Variants in RNF128 observed in about 807,000 individuals in gnomAD.
RNF128 encodes the protein ring finger protein 128, also known as E3 ubiquitin-protein ligase RNF128.
A neutral mutation model predicts 26.2 loss-of-function variants in RNF128; 13 were observed. The observed-to-expected ratio is 0.50, with a 90% CI of 0.32 to 0.79. RNF128 has a LOEUF of 0.79. RNF128 is among the 30% of genes least tolerant of loss of function. The pLI is 0.03. For missense variants in RNF128, 315 were observed against 349.7 expected (o/e 0.90, Z 0.79); for synonymous variants, 149 against 142.5 (o/e 1.05, Z -0.32).
chrX:106,770,453 CT>C (rs943254131), intron 1 of RNF128, among the ~76,000 whole-genome samples: 1 of 111,020 alleles, frequency 9.0e-6, no homozygotes, highest in Admixed American at 9.6e-5. Context: ...TCTTTTTACT[CT>C]TTTTTTTCCT....
chrX:106,694,532 C>A, intron 1 of RNF128: 1 of 403,617 alleles, frequency 2.5e-6, no homozygotes, highest in Non-Finnish European at 4.0e-6. Context: ...AATTTTCTTG[C>A]CTGGCACAAC....
intron 4 of RNF128, among the ~76,000 whole-genome samples, chrX:106,788,762 A>G (rs1474100568): frequency 1.4e-5 from 1 of 71,565 alleles, no homozygotes; most frequent in Non-Finnish European, 2.4e-5. Context: ...ACTATATAAT[A>G]TATATACTAT....
chrX:106,740,574 A>T (rs1202847937), intron 1 of RNF128, among the ~76,000 whole-genome samples: 1 of 111,404 alleles, frequency 9.0e-6, no homozygotes, highest in Non-Finnish European at 1.9e-5. Context: ...AATAATTTTT[A>T]CTTTTTATTT....
At chrX:106,702,816 T>C (rs779350973) in intron 1 of RNF128, among the ~76,000 whole-genome samples, 1 of 111,143 alleles carries the variant, frequency 9.0e-6, no homozygotes, top group Non-Finnish European at 1.9e-5. Flanking sequence ...AGTGGAAGAG[T>C]GAATTCCAGG....
intron 3 of RNF128, 137 bp downstream of exon 3, chrX:106,785,273 G>T: frequency 2.1e-6 from 1 of 473,190 alleles, no homozygotes; most frequent in Non-Finnish European, 3.5e-6. Flanking sequence ...TGATTCTAGA[G>T]GTTGGCTGAA....
chrX:106,717,383 A>T (rs182158388), intron 1 of RNF128, among the ~76,000 whole-genome samples: 58 of 111,789 alleles, frequency 5.2e-4, no homozygotes, highest in African/African-American at 1.9e-3. Flanking sequence ...AATTAATATC[A>T]CTTCTCTTTT....
intron 1 of RNF128, among the ~76,000 whole-genome samples, chrX:106,765,586 G>A (rs1930205417): frequency 9.0e-6 from 1 of 111,378 alleles, no homozygotes; most frequent in African/African-American, 3.3e-5. Flanking sequence ...GACCCATAAG[G>A]GATATTTGGA....
At chrX:106,770,000 C>A (rs1285979889) in intron 1 of RNF128, among the ~76,000 whole-genome samples, 3 of 111,263 alleles carry the variant, frequency 2.7e-5, no homozygotes, top group Non-Finnish European at 5.6e-5. Flanking sequence ...ATTTCTCCTT[C>A]ACTTTTGAAG....
At chrX:106,729,781 A>G (rs1406783561) in intron 1 of RNF128, among the ~76,000 whole-genome samples, 2 of 111,997 alleles carry the variant, frequency 1.8e-5, no homozygotes, top group Non-Finnish European at 3.8e-5. Context: ...ATATAGGGGG[A>G]AAATCACTGC....
chrX:106,779,897 A>G (rs16986538), intron 2 of RNF128, among the ~76,000 whole-genome samples: 4,816 of 111,818 alleles, frequency 0.043, 294 homozygotes, highest in African/African-American at 0.15. Flanking sequence ...AAACAGCTAC[A>G]TGGCTCAGAC....
chrX:106,778,798 A>G (rs1286643910), intron 2 of RNF128, among the ~76,000 whole-genome samples: 1 of 112,068 alleles, frequency 8.9e-6, no homozygotes. Context: ...AGGAAGGACT[A>G]GGCTACATTA....
intron 1 of RNF128, among the ~76,000 whole-genome samples, chrX:106,713,838 C>T (rs1010357679): frequency 7.4e-4 from 82 of 111,109 alleles, no homozygotes; most frequent in African/African-American, 2.6e-3. Context: ...ACCTAGGTTT[C>T]ATCAAATTTT....
intron 1 of RNF128, among the ~76,000 whole-genome samples, chrX:106,718,554 A>C (rs1296451946): frequency 9.4e-6 from 1 of 106,029 alleles, no homozygotes; most frequent in Non-Finnish European, 1.9e-5. Flanking sequence ...GAAGATTGTC[A>C]GCTAAGGGAG....
intron 1 of RNF128, among the ~76,000 whole-genome samples, chrX:106,704,014 A>G (rs1021073555): frequency 9.1e-6 from 1 of 110,126 alleles, no homozygotes; most frequent in Admixed American, 9.8e-5. Flanking sequence ...GATCCAAATG[A>G]TAATGTCTTC....
At chrX:106,762,881 G>A (rs1476591319) in intron 1 of RNF128, among the ~76,000 whole-genome samples, 1 of 109,724 alleles carries the variant, frequency 9.1e-6, no homozygotes, top group Non-Finnish European at 1.9e-5. Context: ...GAGGGTGGAG[G>A]AAGGGAGGAG....
intron 1 of RNF128, among the ~76,000 whole-genome samples, chrX:106,766,139 A>G (rs1247418425): frequency 8.9e-6 from 1 of 111,910 alleles, no homozygotes; most frequent in Non-Finnish European, 1.9e-5. Flanking sequence ...GGTTGGTTCC[A>G]AGTCTATGCT....
At chrX:106,702,059 T>A (rs1400595732) in intron 1 of RNF128, among the ~76,000 whole-genome samples, 1 of 110,764 alleles carries the variant, frequency 9.0e-6, no homozygotes, top group Non-Finnish European at 1.9e-5. Flanking sequence ...CAAATTATTT[T>A]AGTACCTCTT....
At chrX:106,764,777 C>T (rs187519469) in intron 1 of RNF128, among the ~76,000 whole-genome samples, 1 of 112,296 alleles carries the variant, frequency 8.9e-6, no homozygotes, top group African/African-American at 3.2e-5. Context: ...TTTTAGAATT[C>T]TCTATGCTTT....
chrX:106,732,386 T>C (rs1426971048), intron 1 of RNF128, among the ~76,000 whole-genome samples: 1 of 112,315 alleles, frequency 8.9e-6, no homozygotes, highest in Admixed American at 9.5e-5. Context: ...TAATGTTTTG[T>C]TAATCTTTGT....
Sources: gnomAD v4.1 joint callset for allele counts (sites outside exome capture counted in the v4.1 genomes callset) on GRCh38, gnomAD v4.1.1 for gene constraint, MANE v1.5 for transcripts, NCBI Gene and HGNC (gene_info 2026-07-23, HGNC 2026-07-21) for gene names.